The following ARHGAP42 variants were observed in gnomAD, a reference collection of about 807,000 sequenced individuals.
The protein encoded by ARHGAP42 is rho GTPase-activating protein 42.
A neutral mutation model predicts 125.0 loss-of-function variants in ARHGAP42; 63 were observed. The ratio of observed to expected loss-of-function variants is 0.50; its 90% confidence interval spans 0.41 to 0.62. The LOEUF (loss-of-function observed/expected upper bound fraction) is 0.62, where lower values mean the gene tolerates loss of function less well. ARHGAP42 is among the 20% of genes least tolerant of loss of function. The probability of loss-of-function intolerance (pLI) is 0.00; values close to 1 mark genes in which losing one functional copy is unlikely to be tolerated. For synonymous variants in ARHGAP42, 339 were observed against 351.0 expected, an observed-to-expected ratio of 0.97 and a Z score of 0.38; for missense variants, 766 against 1,024.2, an observed-to-expected ratio of 0.75 and a Z score of 3.44.
chr11:100,822,730 G>A (rs941429748), intron 3 of ARHGAP42, among the ~76,000 whole-genome samples: 4 of 152,146 alleles, frequency 2.6e-5, no homozygotes, highest in Non-Finnish European at 2.9e-5. Flanking sequence ...AGTGTATGCA[G>A]TTTGATTGTT....
rs144064709 is a variant in ARHGAP42, at chr11:100,731,714, T to C, written c.155-38629T>C. Among the ~76,000 whole-genome samples, 1,258 of 152,266 alleles carry C rather than the reference T, an allele frequency of 8.3e-3. 17 individuals are homozygous for C. The highest frequency in any genetic ancestry group is 0.029 in the African/African-American group (1,186 of 41,544). On this transcript the variant is annotated intron_variant, in intron 1 of 23. Coordinates refer to ENST00000298815, the MANE Select transcript of ARHGAP42 (RefSeq NM_152432.4). ...ATTGTTTAGTCCCTAAATATATGAC[T>C]GATAAGAAGAGAATCTTAGTGTGAC...
chr11:100,830,023 G>A (rs926820469), intron 3 of ARHGAP42, among the ~76,000 whole-genome samples: 8 of 152,142 alleles, frequency 5.3e-5, no homozygotes, highest in Non-Finnish European at 1.0e-4. Flanking sequence ...GTGTTCTGTA[G>A]GACAGTAGAA....
chr11:100,989,105 T>C lies in ARHGAP42; in HGVS notation c.*304T>C. The stretch of plus-strand genomic sequence containing the variant: ...CAATTGTAGAGTTTCAAATACTGTG[T>C]TAAATACTGTATCCCAGAAATTTGG... On this transcript the variant is annotated 3_prime_UTR_variant, in exon 24 of 24. Coordinates refer to ENST00000298815, the MANE Select transcript of ARHGAP42 (RefSeq NM_152432.4). 2.4e-6 allele frequency: 1 copy of C among 412,076 alleles called. No homozygotes were observed. Among genetic ancestry groups the C allele is most frequent in the Non-Finnish European group, 4.3e-6 (1 of 233,084 alleles). 25.5% of individuals were successfully genotyped at this position (412,076 alleles called of 1,614,324 possible). A position where few individuals can be genotyped will look rare whatever the true frequency, so the allele number is the denominator to read the frequency against.
chr11:100,779,546 A>ATACG (rs1863236025), intron 2 of ARHGAP42, among the ~76,000 whole-genome samples: 4 of 142,026 alleles, frequency 2.8e-5, no homozygotes, highest in African/African-American at 5.6e-5. Context: ...ATACGTATAT[A>ATACG]TATACATATA....
chr11:100,941,165 G>A (rs1867874491), intron 8 of ARHGAP42, among the ~76,000 whole-genome samples: 1 of 152,092 alleles, frequency 6.6e-6, no homozygotes, highest in African/African-American at 2.4e-5. Flanking sequence ...AATGCCCTTG[G>A]GTAGGAATGC....
At chr11:100,710,191 A>T (rs1861538309) in intron 1 of ARHGAP42, among the ~76,000 whole-genome samples, 1 of 152,064 alleles carries the variant, frequency 6.6e-6, no homozygotes, top group African/African-American at 2.4e-5. Flanking sequence ...AAATCATGTT[A>T]TCTTTTATAT....
intron 5 of ARHGAP42, 43 bp downstream of exon 5, chr11:100,913,596 T>G: frequency 9.2e-7 from 1 of 1,092,320 alleles, no homozygotes; most frequent in Non-Finnish European, 1.2e-6. Context: ...CATTAAGTCA[T>G]ATAAAGTCAA....
chr11:100,835,160 A>G (rs1272145095), intron 3 of ARHGAP42, among the ~76,000 whole-genome samples: 1 of 152,010 alleles, frequency 6.6e-6, no homozygotes, highest in East Asian at 1.9e-4. Context: ...TTGGATATAA[A>G]AGGGATGGAA....
At chr11:100,846,138 A>T (rs1488418395) in intron 3 of ARHGAP42, among the ~76,000 whole-genome samples, 6 of 152,154 alleles carry the variant, frequency 3.9e-5, no homozygotes, top group Non-Finnish European at 7.4e-5. Context: ...GTAAAAAGTT[A>T]ATGAGGTAAT....
chr11:100,969,347 T>C (rs972874352), intron 17 of ARHGAP42, among the ~76,000 whole-genome samples: 1 of 152,158 alleles, frequency 6.6e-6, no homozygotes, highest in Non-Finnish European at 1.5e-5. Context: ...ATCTTTGCAA[T>C]TATTCTACTT....
chr11:100,964,987 C>T lies in ARHGAP42; in HGVS notation c.1445-684C>T, dbSNP rs1733063459. Among the ~76,000 whole-genome samples the T allele has an allele frequency of 1.3e-5, 2 of 152,114 alleles. 1 individual carries two copies. The highest frequency in any genetic ancestry group is 2.9e-5 in the Non-Finnish European group (2 of 68,030). ...ATAAGAAAAAGAGGTTTAATTGACTCACAGTTCCGCAGGGCTGGGAAGGAC... is the reference window on the plus strand; with the variant it reads ...ATAAGAAAAAGAGGTTTAATTGACTTACAGTTCCGCAGGGCTGGGAAGGAC... On this transcript the variant is annotated intron_variant, in intron 16 of 23. Coordinates refer to ENST00000298815, the MANE Select transcript of ARHGAP42 (RefSeq NM_152432.4).
chr11:100,795,155 A>G lies in ARHGAP42; in HGVS notation c.301A>G (p.Arg101Gly). ...ACTACTCATTGCAGTAGAAGAAGAA[A>G]GGCGAAGACTGGTAAGTCTGTTCTG... ...ARLLIAVEEE[R>G]RRLIQNANDV... The change falls in exon 3 of 24, where the codon AGG becomes GGG. Residue 101 changes from arginine to glycine, a missense_variant. Physicochemically the swap from Arg to Gly is moderately radical, Grantham distance 125 (BLOSUM62 -2). Around this residue, in one of 3 missense-constraint regions of ARHGAP42, gnomAD observed 455 missense variants for 636.5 expected, o/e 0.71. Coordinates refer to ENST00000298815, the MANE Select transcript of ARHGAP42 (RefSeq NM_152432.4). The G allele has an allele frequency of 6.5e-7, 1 of 1,541,928 alleles. No homozygotes were observed. Among genetic ancestry groups the G allele is most frequent in the Non-Finnish European group, 8.8e-7 (1 of 1,142,172 alleles).
At chr11:100,939,143 G>C (rs1056153821) in intron 8 of ARHGAP42, among the ~76,000 whole-genome samples, 1 of 152,146 alleles carries the variant, frequency 6.6e-6, no homozygotes, top group Non-Finnish European at 1.5e-5. Flanking sequence ...CATTCTGCTA[G>C]ACTTCAGTGT....
At chr11:100,713,711 G>A (rs1861601684) in intron 1 of ARHGAP42, among the ~76,000 whole-genome samples, 1 of 152,134 alleles carries the variant, frequency 6.6e-6, no homozygotes, top group Non-Finnish European at 1.5e-5. Context: ...AAGGAATTTG[G>A]TATAATAAAA....
At chr11:100,869,405 CTTT>C (rs59868766) in intron 4 of ARHGAP42, among the ~76,000 whole-genome samples, 1 of 146,918 alleles carries the variant, frequency 6.8e-6, no homozygotes, top group Admixed American at 6.8e-5. Flanking sequence ...AATCTTTCCT[CTTT>C]TTTTTTTTTT....
intron 10 of ARHGAP42, 44 bp downstream of exon 10, chr11:100,943,912 G>A (rs770667435): frequency 4.0e-6 from 5 of 1,265,166 alleles, no homozygotes; most frequent in South Asian, 1.4e-5. Context: ...TAAGCTAAAC[G>A]GTGTCTCTTT....
Position 100,687,505 on chromosome 11 carries a change from C to A in ARHGAP42, c.-174C>A. ...TAGCCTCGGGGGAGGAAGACTGAGC[C>A]CGGCGCAGGCGGCGCGGCGCTCGGG... is the stretch of plus-strand genomic sequence containing the variant. On this transcript the variant is annotated 5_prime_UTR_variant, in exon 1 of 24. Coordinates refer to ENST00000298815, the MANE Select transcript of ARHGAP42 (RefSeq NM_152432.4). The A allele has an allele frequency of 2.9e-6, 1 of 345,016 alleles. No individual in the cohort carries two copies. The highest frequency in any genetic ancestry group is 4.5e-6 in the Non-Finnish European group (1 of 223,638). 21.4% of individuals were successfully genotyped at this position (345,016 alleles called of 1,614,324 possible).
rs138462133 is a variant in ARHGAP42, at chr11:100,838,562, C to G, written c.313-20992C>G. 3.0e-3 allele frequency among the ~76,000 whole-genome samples: 451 copies of G among 151,936 alleles called. 3 individuals are homozygous for G. The highest frequency in any genetic ancestry group is 9.1e-3 in the African/African-American group (376 of 41,462). Reference sequence around the variant, plus strand: ...TCTACAAAAAATCAAAAAAATTAGCCAGGCATGGTGGTGTGTGCCTGTGGT... The same window carrying G: ...TCTACAAAAAATCAAAAAAATTAGCGAGGCATGGTGGTGTGTGCCTGTGGT... On this transcript the variant is annotated intron_variant, in intron 3 of 23. Coordinates refer to ENST00000298815, the MANE Select transcript of ARHGAP42 (RefSeq NM_152432.4).
intron 3 of ARHGAP42, among the ~76,000 whole-genome samples, chr11:100,842,680 G>T (rs1864970323): frequency 6.6e-6 from 1 of 152,016 alleles, no homozygotes; most frequent in South Asian, 2.1e-4. Context: ...TCAAAACCAT[G>T]CAAATAAATG....
Sources: allele counts gnomAD v4.1 joint callset (sites outside exome capture counted in the v4.1 genomes callset), GRCh38; gene constraint gnomAD v4.1.1; regional missense constraint gnomAD v4.1.1; transcripts MANE v1.5; gene names NCBI Gene and HGNC (gene_info 2026-07-23, HGNC 2026-07-21).